Variants in EPPK1 observed in about 807,000 individuals in gnomAD.
EPPK1 encodes epiplakin.
For synonymous variants in EPPK1, 1,862 were observed against 1,721.2 expected (o/e 1.08, Z -2.03); for missense variants, 3,823 against 3,673.3 (o/e 1.04, Z -1.05).
In EPPK1 at chr8:143,878,414, CCGCACCCG is replaced by C. The variant is rs1276973277; in HGVS notation, c.-46+16_-46+23del. 240 of 96,742 alleles carry C rather than the reference CCGCACCCG, an allele frequency of 2.5e-3. 2 individuals are homozygous for C. The highest frequency in any genetic ancestry group is 8.8e-3 in the African/African-American group (218 of 24,800). The allele number at this position is 96,742 out of a possible 1,614,324, so 6.0% of individuals were successfully genotyped here. ...CACCTGCCCGCACCCGCCGCACCCGCCGCACCCGCCGCACCCGCCGCACCTGCCCGCTC... is the reference window on the plus strand; with the variant it reads ...CACCTGCCCGCACCCGCCGCACCCGCCCGCACCCGCCGCACCTGCCCGCTC... On this transcript the variant is annotated intron_variant, in intron 1 of 1. Coordinates refer to ENST00000615648, the MANE Select transcript of EPPK1 (RefSeq NM_031308.4).
Position 143,871,121 on chromosome 8 carries a change from G to C in EPPK1, c.2133C>G (p.Ile711Met). 6.2e-7 allele frequency: 1 copy of C among 1,613,228 alleles called. No homozygotes were observed. Among genetic ancestry groups the C allele is most frequent in the East Asian group, 2.2e-5 (1 of 44,878 alleles). Reference protein sequence around the residue: ...SLFQAMQKGLIVREHGIRLLE... With the variant: ...SLFQAMQKGLMVREHGIRLLE... ...GCAGGCGGATGCCGTGCTCCCGGAC[G>C]ATGAGGCCCTTCTGCATGGCCTGGA... The change falls in exon 2 of 2, where the codon ATC becomes ATG. Residue 711 changes from isoleucine (I) to methionine (M), a missense_variant. Ile to Met is a conservative substitution (Grantham distance 10, BLOSUM62 1). Transcript: ENST00000615648.
Position 143,859,769 on chromosome 8 carries a change from G to C in EPPK1, c.13485C>G (p.Asp4495Glu). The C allele has an allele frequency of 1.2e-6, 1 of 812,700 alleles. No homozygotes were observed. The highest frequency in any genetic ancestry group is 2.8e-5 in the East Asian group (1 of 35,954). 50.3% of individuals were successfully genotyped at this position (812,700 alleles called of 1,614,324 possible). Residue 4495 changes from aspartate to glutamate, a missense_variant, in exon 2 of 2, where the codon GAC (aspartate) becomes GAG (glutamate). Physicochemically the swap from Asp to Glu is conservative, Grantham distance 45 (BLOSUM62 2). Coordinates refer to ENST00000615648, the MANE Select transcript of EPPK1 (RefSeq NM_031308.4). ...DPVHSHRVPV[D>E]VAYRRGYFDE... ...CGAAGTAGCCGCGCCGGTAGGCCAC[G>C]TCCACGGGCACGCGGTGGCTGTGCA...
chr8:143,857,674 C>A lies in EPPK1; in HGVS notation c.*313G>T. 1 of 350,480 alleles carries A rather than the reference C, an allele frequency of 2.9e-6. No individual in the cohort carries two copies. Among genetic ancestry groups the A allele is most frequent in the Non-Finnish European group, 5.1e-6 (1 of 196,038 alleles). 21.7% of individuals were successfully genotyped at this position (350,480 alleles called of 1,614,324 possible). ...GATGGACTGAGAGTCTAAAGAGTGA[C>A]ATTCTGTAAAATGGAAGCAGTGAAT... On this transcript the variant is annotated 3_prime_UTR_variant, in exon 2 of 2. Coordinates refer to ENST00000615648, the MANE Select transcript of EPPK1 (RefSeq NM_031308.4).
Position 143,871,680 on chromosome 8 carries a change from G to A in EPPK1, c.1574C>T (p.Ala525Val), listed in dbSNP as rs375157270. The change falls in exon 2 of 2, where the codon GCG (alanine) becomes GTG (valine). Residue 525 changes from alanine (A) to valine (V), a missense_variant. Coordinates refer to ENST00000615648, the MANE Select transcript of EPPK1 (RefSeq NM_031308.4). Reference protein sequence around the residue: ...FSEAISSEQRAMLAQQYQEGT... With the variant: ...FSEAISSEQRVMLAQQYQEGT... Reference sequence around the variant, plus strand: ...TTCCTGGTACTGCTGGGCCAGCATCGCCCTCTGCTCTGAGGAGATGGCCTC... The same window carrying A: ...TTCCTGGTACTGCTGGGCCAGCATCACCCTCTGCTCTGAGGAGATGGCCTC... 90 of 1,602,934 alleles carry A rather than the reference G, an allele frequency of 5.6e-5. No homozygotes were observed. The East Asian group carries it at 9.4e-4, about 17-fold the overall frequency.
chr8:143,869,571 G>A lies in EPPK1; in HGVS notation c.3683C>T (p.Ser1228Leu), dbSNP rs1307464102. The stretch of plus-strand genomic sequence containing the variant: ...CGGCTGCTCGGCGACCTGGGCGGGC[G>A]ACTGCGTGCCCTGAGCCAGGGCCTC... ...TLEALAQGTQSPAQVAEQPAV... is the reference protein window; with the variant it reads ...TLEALAQGTQLPAQVAEQPAV... Residue 1228 changes from serine to leucine, a missense_variant, in exon 2 of 2, where the codon TCG becomes TTG. By Grantham distance (145) the Ser-to-Leu change is moderately radical. Coordinates refer to ENST00000615648, the MANE Select transcript of EPPK1 (RefSeq NM_031308.4). The A allele has an allele frequency of 2.6e-5, 40 of 1,560,644 alleles. 1 individual carries two copies. The highest frequency in any genetic ancestry group is 1.7e-4 in the Middle Eastern group (1 of 5,954).
chr8:143,872,787 G>A lies in EPPK1; in HGVS notation c.467C>T (p.Ala156Val), dbSNP rs1554661709. Residue 156 changes from alanine to valine, a missense_variant, in exon 2 of 2, where the codon GCC becomes GTC. Ala to Val is a moderately conservative substitution (Grantham distance 64). Coordinates refer to ENST00000615648, the MANE Select transcript of EPPK1 (RefSeq NM_031308.4). ...LGQSWLEVQL[A>V]TGGLVDPAQG... ...GGCGGGGTCCACCAGGCCCCCAGTGGCCAGTTGGACCTCCAGCCAGCTCTG... is the reference window on the plus strand; with the variant it reads ...GGCGGGGTCCACCAGGCCCCCAGTGACCAGTTGGACCTCCAGCCAGCTCTG... The A allele has an allele frequency of 1.3e-6, 2 of 1,577,318 alleles. No individual in the cohort carries two copies. The highest frequency in any genetic ancestry group is 2.3e-5 in the South Asian group (2 of 86,446).
At position 143,857,953 on chromosome 8, in the gene EPPK1, C is replaced by T. The variant is rs1818932394; in HGVS notation, c.*34G>A. On this transcript the variant is annotated 3_prime_UTR_variant, in exon 2 of 2. Transcript: ENST00000615648. Reference sequence around the variant, plus strand: ...ACACACAAGTATGCCTCCACTTCTCCAGAGTTGCAGAAAACTGCACGGAGG... The same window carrying T: ...ACACACAAGTATGCCTCCACTTCTCTAGAGTTGCAGAAAACTGCACGGAGG... The T allele has an allele frequency of 2.2e-6, 3 of 1,366,122 alleles. No homozygotes were observed. Among genetic ancestry groups the T allele is most frequent in the Non-Finnish European group, 3.0e-6 (3 of 1,004,594 alleles). The allele number at this position is 1,366,122 out of a possible 1,614,324, so 84.6% of individuals were successfully genotyped here.
chr8:143,871,167 G>T lies in EPPK1; in HGVS notation c.2087C>A (p.Thr696Asn), dbSNP rs1461849869. ...CTGGAAGAGGGAGATCTGCTGCCCG[G>T]TGTAGGGGTCAGTGTAGCCAGTGAC... The part of the protein sequence containing the change: ...RAVTGYTDPY[T>N]GQQISLFQAM... Residue 696 changes from threonine (T) to asparagine (N), a missense_variant, in exon 2 of 2, where the codon ACC becomes AAC. Physicochemically the swap from Thr to Asn is moderately conservative, Grantham distance 65 (BLOSUM62 0). Coordinates refer to ENST00000615648, the MANE Select transcript of EPPK1 (RefSeq NM_031308.4). 1 of 1,613,238 alleles carries T rather than the reference G, an allele frequency of 6.2e-7. No homozygotes were observed. The highest frequency in any genetic ancestry group is 2.2e-5 in the East Asian group (1 of 44,880).
chr8:143,866,399 C>G lies in EPPK1; in HGVS notation c.6855G>C (p.Glu2285Asp). The G allele has an allele frequency of 9.1e-7, 1 of 1,102,422 alleles. No homozygotes were observed. Among genetic ancestry groups the G allele is most frequent in the South Asian group, 1.6e-5 (1 of 60,954 alleles). The allele number at this position is 1,102,422 out of a possible 1,614,324, so 68.3% of individuals were successfully genotyped here. Residue 2285 changes from glutamate (E) to aspartate (D), a missense_variant, in exon 2 of 2, where the codon GAG (glutamate) becomes GAC (aspartate). Coordinates refer to ENST00000615648, the MANE Select transcript of EPPK1 (RefSeq NM_031308.4). ...CGCCCACCACGCCCGCGGCCACGGC[C>G]TCCTCCACCGACAGCCTCAGGTTGC... ...PVRNLRLSVE[E>D]AVAAGVVGGE...
At position 143,867,061 on chromosome 8, in the gene EPPK1, A is replaced by T. The variant is rs144123426; in HGVS notation, c.6193T>A (p.Tyr2065Asn). 4,954 of 1,612,800 alleles carry T rather than the reference A, an allele frequency of 3.1e-3. 13 individuals are homozygous for T. Among genetic ancestry groups the T allele is most frequent in the Non-Finnish European group, 3.8e-3 (4,437 of 1,179,834 alleles). ...CGGCACCTCTCCTGCAGCTCTCGGT[A>T]CGAGACCTTCTCTTGCGTGTTCGGG... ...VDPNTQEKVS[Y>N]RELQERCRPQ... Residue 2065 changes from tyrosine to asparagine, a missense_variant, in exon 2 of 2, where the codon TAC becomes AAC. Physicochemically the swap from Tyr to Asn is moderately radical, Grantham distance 143. Transcript: ENST00000615648.
In EPPK1 at chr8:143,869,083, G is replaced by A. The variant is rs782038418; in HGVS notation, c.4171C>T (p.Gln1391Ter). ...TCCTTGTCAACTGCAGTCAGCACCT[G>A]GCTCGTCTGTGTGTCCAGAAGGCCG... ...RLGLLDTQTS[Q>*]VLTAVDKDNK... Residue 1391 changes from glutamine (Q) to a stop codon, truncating the protein, a stop_gained, in exon 2 of 2, where the codon CAG (glutamine) becomes TAG (stop). Transcript: ENST00000615648. LOFTEE classifies it low-confidence loss of function (END_TRUNC). The A allele has an allele frequency of 6.2e-7, 1 of 1,607,778 alleles. No homozygotes were observed. Among genetic ancestry groups the A allele is most frequent in the Non-Finnish European group, 8.5e-7 (1 of 1,179,804 alleles).
At position 143,868,803 on chromosome 8, in the gene EPPK1, C is replaced by T. The variant is rs782760991; in HGVS notation, c.4451G>A (p.Arg1484Gln). The change falls in exon 2 of 2, where the codon CGG becomes CAG. Residue 1484 changes from arginine (R) to glutamine (Q), a missense_variant. Physicochemically the swap from Arg to Gln is conservative, Grantham distance 43. Coordinates refer to ENST00000615648, the MANE Select transcript of EPPK1 (RefSeq NM_031308.4). The part of the protein sequence containing the change: ...LSEYVGADKR[R>Q]ELVALCRSGR... ...AGACCGACAGAGTGCCACCAGCTCC[C>T]GCCGCTTGTCAGCGCCAACGTATTC... is the stretch of plus-strand genomic sequence containing the variant. The T allele has an allele frequency of 2.3e-5, 37 of 1,602,458 alleles. No homozygotes were observed. Among genetic ancestry groups the T allele is most frequent in the South Asian group, 5.5e-5 (5 of 90,578 alleles).
intron 1 of EPPK1, among the ~76,000 whole-genome samples, chr8:143,876,546 C>G (rs1454784168): frequency 1.3e-5 from 2 of 152,176 alleles, no homozygotes; most frequent in Non-Finnish European, 2.9e-5. Context: ...CCTTCCCTTC[C>G]TGAGGCCATC....
Position 143,873,286 on chromosome 8 carries a change from G to A in EPPK1, c.-33C>T, listed in dbSNP as rs1554661933. The A allele has an allele frequency of 6.7e-7, 1 of 1,489,376 alleles. No individual in the cohort carries two copies. The highest frequency in any genetic ancestry group is 2.5e-5 in the Admixed American group (1 of 40,630). The allele number at this position is 1,489,376 out of a possible 1,614,324, so 92.3% of individuals were successfully genotyped here. A position where few individuals can be genotyped will look rare whatever the true frequency, so the allele number is the denominator to read the frequency against. Reference sequence around the variant, plus strand: ...GGCTGGTTATGCAGAGCCTGCTGAGGTCCACCTCTGTCCTGCAGGGGACAG... The same window carrying A: ...GGCTGGTTATGCAGAGCCTGCTGAGATCCACCTCTGTCCTGCAGGGGACAG... On this transcript the variant is annotated 5_prime_UTR_variant, in exon 2 of 2. Coordinates refer to ENST00000615648, the MANE Select transcript of EPPK1 (RefSeq NM_031308.4).
intron 1 of EPPK1, 93 bp from the exon 2 acceptor site, chr8:143,873,391 GGCTGGGCTCCACCCACAGACGTGCA>G (rs1402425380): frequency 1.1e-6 from 1 of 934,118 alleles, no homozygotes; most frequent in South Asian, 2.4e-5. Context: ...TGCTGTCCCG[GGCTGGGCTCCACCCACAGACGTGCA>G]GCTAGAGTGT....
Position 143,866,740 on chromosome 8 carries a change from G to C in EPPK1, c.6514C>G (p.Leu2172Val), listed in dbSNP as rs782071803. The change falls in exon 2 of 2, where the codon CTG becomes GTG. Residue 2172 changes from leucine to valine, a missense_variant. Leu to Val is a conservative substitution (Grantham distance 32). Coordinates refer to ENST00000615648, the MANE Select transcript of EPPK1 (RefSeq NM_031308.4). Reference protein sequence around the residue: ...IEKQETSNKHLWFQGIRRQIT... With the variant: ...IEKQETSNKHVWFQGIRRQIT... ...TGTCGTCTAATTCCTTGGAACCACA[G>C]GTGTTTGTTGCTGGTTTCCTGCTTC... 4 of 1,613,380 alleles carry C rather than the reference G, an allele frequency of 2.5e-6. No individual in the cohort carries two copies. The highest frequency in any genetic ancestry group is 2.7e-5 in the African/African-American group (2 of 74,938).
In EPPK1 at chr8:143,869,003, G is replaced by C. The variant is rs782674423; in HGVS notation, c.4251C>G (p.Leu1417=). 3 of 1,610,380 alleles carry C rather than the reference G, an allele frequency of 1.9e-6. No homozygotes were observed. Among genetic ancestry groups the C allele is most frequent in the African/African-American group, 2.7e-5 (2 of 75,048 alleles). Residue 1417 remains leucine (L), a synonymous_variant, in exon 2 of 2, where the codon CTC becomes CTG. Coordinates refer to ENST00000615648, the MANE Select transcript of EPPK1 (RefSeq NM_031308.4). The part of the protein sequence containing the change: ...SARDQVTYQQ[L]RERCVCDSET... ...CGGAGTCGCACACGCAGCGCTCCCT[G>C]AGCTGCTGGTAGGTCACCTGGTCCC...
rs373864197 is a variant in EPPK1, at chr8:143,868,393, G to A, written c.4861C>T (p.Arg1621Trp). 26 of 1,612,562 alleles carry A rather than the reference G, an allele frequency of 1.6e-5. No homozygotes were observed. Among genetic ancestry groups the A allele is most frequent in the South Asian group, 4.4e-5 (4 of 91,082 alleles). Residue 1621 changes from arginine to tryptophan, a missense_variant, in exon 2 of 2, where the codon CGG becomes TGG. Transcript: ENST00000615648. ...TGFIIDPVEN[R>W]KLTVEEAFKA... ...AACGCCTCCTCCACGGTCAGCTTCCGGTTCTCCACGGGGTCGATGATGAAG... is the reference window on the plus strand; with the variant it reads ...AACGCCTCCTCCACGGTCAGCTTCCAGTTCTCCACGGGGTCGATGATGAAG...
At chr8:143,878,675 G>A (rs1299333971), upstream of EPPK1, among the ~76,000 whole-genome samples, 1 of 151,786 alleles carries the variant, frequency 6.6e-6, no homozygotes, top group Non-Finnish European at 1.5e-5. Context: ...GGGAGTCACC[G>A]CGAAGGAACG....
Sources: gnomAD v4.1 joint callset for allele counts (sites outside exome capture counted in the v4.1 genomes callset) on GRCh38, gnomAD v4.1.1 for gene constraint, MANE v1.5 for transcripts, NCBI Gene and HGNC (gene_info 2026-07-23, HGNC 2026-07-21) for gene names.